The following XDH variants were observed in gnomAD, a reference collection of about 807,000 sequenced individuals.
XDH encodes xanthine dehydrogenase/oxidase.
A neutral mutation model predicts 156.1 loss-of-function variants in XDH; 138 were observed. The observed-to-expected ratio is 0.88, with a 90% CI of 0.77 to 1.02. The LOEUF (loss-of-function observed/expected upper bound fraction) is 1.02. XDH is among the 50% of genes least tolerant of loss of function. The pLI, the probability that XDH is intolerant of heterozygous loss-of-function variation, is 0.00. For missense variants in XDH, 1,849 were observed against 1,684.9 expected (o/e 1.10, Z -1.71); for synonymous variants, 669 against 625.7 (o/e 1.07, Z -1.03).
rs368197767 is a variant in XDH, at chr2:31,388,218, C to T, written c.564+9G>A. 6.2e-7 allele frequency: 1 copy of T among 1,614,050 alleles called. No homozygotes were observed. The highest frequency in any genetic ancestry group is 8.5e-7 in the Non-Finnish European group (1 of 1,180,004). The stretch of plus-strand genomic sequence containing the variant: ...CCCCAGGCTTCCAGGGGGAGAAGAA[C>T]TCACTTACTGAGTGGTCTTTCTTCT... On this transcript the variant is annotated intron_variant, in intron 7 of 35. Transcript: ENST00000379416.
In XDH at chr2:31,372,247, G is replaced by A. The variant is rs201668777; in HGVS notation, c.1837C>T (p.Arg613Trp). The change falls in exon 17 of 36, where the codon CGG becomes TGG. Residue 613 changes from arginine to tryptophan, a missense_variant. Transcript: ENST00000379416. Reference protein sequence around the residue: ...ELSLRLVTSTRAHAKIKSIDT... With the variant: ...ELSLRLVTSTWAHAKIKSIDT... ...ACTCACTTGATCTTGGCGTGGGCCCGGGTGCTGGTGACCAGCCGGAGAGAC... is the reference window on the plus strand; with the variant it reads ...ACTCACTTGATCTTGGCGTGGGCCCAGGTGCTGGTGACCAGCCGGAGAGAC... The A allele has an allele frequency of 4.2e-5, 68 of 1,614,238 alleles. No individual in the cohort carries two copies. The highest frequency in any genetic ancestry group is 1.5e-4 in the Admixed American group (9 of 60,034).
chr2:31,404,407 G>C (rs1687142086), intron 2 of XDH, among the ~76,000 whole-genome samples: 1 of 152,142 alleles, frequency 6.6e-6, no homozygotes, highest in Non-Finnish European at 1.5e-5. Flanking sequence ...AAAAGTCAAG[G>C]CTGGAGTTTT....
intron 6 of XDH, among the ~76,000 whole-genome samples, chr2:31,393,746 T>C (rs2147999854): frequency 1.3e-5 from 2 of 152,130 alleles, no homozygotes; most frequent in South Asian, 4.2e-4. Flanking sequence ...CTGAGCATTA[T>C]ATATAATTTC....
At chr2:31,375,023 C>CTTTCTT (rs765524563) in intron 15 of XDH, among the ~76,000 whole-genome samples, 171 of 92,324 alleles carry the variant, frequency 1.9e-3, no homozygotes, top group South Asian at 4.1e-3. Context: ...TTCTTTCTTT[C>CTTTCTT]TTTTTTTTTT....
chr2:31,339,385 C>CTT (rs1685059121), intron 34 of XDH, 104 bp downstream of exon 34: 1 of 1,469,216 alleles, frequency 6.8e-7, no homozygotes, highest in Admixed American at 1.7e-5. Context: ...TCAAGATATG[C>CTT]CCTTTGAAGT....
intron 6 of XDH, among the ~76,000 whole-genome samples, chr2:31,397,349 C>A (rs568543059): frequency 8.5e-5 from 13 of 152,334 alleles, no homozygotes; most frequent in African/African-American, 2.4e-4. Flanking sequence ...CTGAGCCTGC[C>A]AGTCTCCAAG....
intron 35 of XDH, among the ~76,000 whole-genome samples, chr2:31,336,875 T>C (rs1684982719): frequency 3.0e-5 from 1 of 33,188 alleles, no homozygotes. Context: ...TCCACACAGG[T>C]TGCAGTTGCA....
rs1452231059 is a variant in XDH at position 31,397,714 on chromosome 2, C to A, written c.449G>T (p.Cys150Phe). The change falls in exon 6 of 36, where the codon TGC (cysteine) becomes TTC (phenylalanine). Residue 150 changes from cysteine to phenylalanine, a missense_variant. Transcript: ENST00000379416. ...CTGGAGGATGGGTCTGTAGCCTGTG[C>A]AGCGGCACAGATTTCCTGTGGGCCA... is the stretch of plus-strand genomic sequence containing the variant. The part of the protein sequence containing the change: ...ENAFQGNLCR[C>F]TGYRPILQGF... 1 of 1,614,088 alleles carries A rather than the reference C, an allele frequency of 6.2e-7. No individual in the cohort carries two copies. The highest frequency in any genetic ancestry group is 8.5e-7 in the Non-Finnish European group (1 of 1,180,040).
Position 31,337,765 on chromosome 2 carries a change from T to G in XDH, c.3827A>C (p.Lys1276Thr). ...AGCTCGAGCTGCACGGATGGCATCT[T>G]TGATGGCAAAGAAGATAGAAGCAGC... ...FLAASIFFAI[K>T]DAIRAARAQH... The change falls in exon 35 of 36, where the codon AAA becomes ACA. Residue 1276 changes from lysine (K) to threonine (T), a missense_variant. Physicochemically the swap from Lys to Thr is moderately conservative, Grantham distance 78. Transcript: ENST00000379416. 5.0e-6 allele frequency: 8 copies of G among 1,614,218 alleles called. No individual in the cohort carries two copies. Among genetic ancestry groups the G allele is most frequent in the Non-Finnish European group, 6.8e-6 (8 of 1,180,046 alleles).
intron 1 of XDH, among the ~76,000 whole-genome samples, chr2:31,411,172 A>G (rs1687331186): frequency 6.6e-6 from 1 of 151,116 alleles, no homozygotes; most frequent in African/African-American, 2.4e-5. Context: ...AATCCCAGCT[A>G]CTCAGGAGGC....
Position 31,344,676 on chromosome 2 carries a change from A to C in XDH, c.3404+8T>G, listed in dbSNP as rs748980458. 2 of 1,614,158 alleles carry C rather than the reference A, an allele frequency of 1.2e-6. No individual in the cohort carries two copies. Among genetic ancestry groups the C allele is most frequent in the Non-Finnish European group, 1.7e-6 (2 of 1,180,030 alleles). On this transcript the variant is annotated splice_region_variant and intron_variant, in intron 31 of 35. Coordinates refer to ENST00000379416, the MANE Select transcript of XDH (RefSeq NM_000379.4). ...CTATGAGCTGGGCAAGGACAACACC[A>C]TACTTACCTATAAAACCCAGTGGCA...
intron 1 of XDH, 118 bp from the exon 2 acceptor site, chr2:31,406,082 T>C (rs1687184945): frequency 3.5e-6 from 4 of 1,147,816 alleles, no homozygotes; most frequent in Admixed American, 3.8e-5. Flanking sequence ...AAGTGTGATA[T>C]AGTTTGCACT....
chr2:31,383,638 G>T (rs925327793), intron 10 of XDH, 117 bp downstream of exon 10: 229 of 944,348 alleles, frequency 2.4e-4, no homozygotes, highest in Non-Finnish European at 3.3e-4. Context: ...TGAGCCCCAG[G>T]AGAAGCAGGG....
intron 33 of XDH, among the ~76,000 whole-genome samples, chr2:31,341,093 G>A (rs1348942473): frequency 2.0e-5 from 3 of 152,170 alleles, no homozygotes; most frequent in Admixed American, 1.3e-4. Flanking sequence ...TTCTCATCTT[G>A]TTTTTGAGTT....
intron 6 of XDH, among the ~76,000 whole-genome samples, chr2:31,390,972 T>A (rs557289585): frequency 1.3e-5 from 2 of 152,234 alleles, no homozygotes; most frequent in African/African-American, 4.8e-5. Context: ...TTCATCGTTA[T>A]TAAATTTTAA....
At chr2:31,337,096 G>A (rs770844400) in intron 35 of XDH, among the ~76,000 whole-genome samples, 2 of 152,086 alleles carry the variant, frequency 1.3e-5, no homozygotes, top group Non-Finnish European at 2.9e-5. Flanking sequence ...CTCCAAGGCA[G>A]TAATCAATCA....
intron 34 of XDH, among the ~76,000 whole-genome samples, chr2:31,338,065 T>C (rs1379085453): frequency 6.6e-6 from 1 of 152,216 alleles, no homozygotes; most frequent in African/African-American, 2.4e-5. Context: ...CATGTAATTT[T>C]CTCTGATGAC....
Position 31,375,491 on chromosome 2 carries a change from A to G in XDH, c.1491T>C (p.Pro497=). 1 of 1,614,120 alleles carries G rather than the reference A, an allele frequency of 6.2e-7. No homozygotes were observed. The highest frequency in any genetic ancestry group is 8.5e-7 in the Non-Finnish European group (1 of 1,180,022). ...CAGLAEELHL[P]PDAPGGMVDF... is the part of the protein sequence containing the mutation. ...CCACCATGCCACCAGGGGCATCGGG[A>G]GGCAGATGCAGCTCCTCTGCCAGTC... Residue 497 remains proline (P), a synonymous_variant, in exon 15 of 36, where the codon CCT becomes CCC. Coordinates refer to ENST00000379416, the MANE Select transcript of XDH (RefSeq NM_000379.4).
chr2:31,351,211 A>T (rs1685471416), intron 24 of XDH, among the ~76,000 whole-genome samples: 1 of 152,236 alleles, frequency 6.6e-6, no homozygotes, highest in Non-Finnish European at 1.5e-5. Flanking sequence ...CATTACTTAC[A>T]GCTGAACCAT....
Sources: allele counts gnomAD v4.1 joint callset (sites outside exome capture counted in the v4.1 genomes callset), GRCh38; gene constraint gnomAD v4.1.1; transcripts MANE v1.5; gene names NCBI Gene and HGNC (gene_info 2026-07-23, HGNC 2026-07-21).